The following WDR49 variants were observed in gnomAD, a reference collection of about 807,000 sequenced individuals.
WDR49 encodes the protein cilia- and flagella-associated protein 337.
Under a neutral mutation model 119.5 loss-of-function variants are expected in WDR49, and 107 were observed. The ratio of observed to expected loss-of-function variants is 0.90; its 90% CI spans 0.77 to 1.05. The LOEUF (loss-of-function observed/expected upper bound fraction) is 1.05, where lower values mean the gene tolerates loss of function less well. WDR49 is among the 50% of genes least tolerant of loss of function. The pLI is 0.00. For missense variants in WDR49, 1,240 were observed against 1,220.5 expected (o/e 1.02, Z -0.24); for synonymous variants, 425 against 418.8 (o/e 1.01, Z -0.18).
At chr3:167,589,139 A>G (rs867740890) in intron 7 of WDR49, among the ~76,000 whole-genome samples, 1 of 152,124 alleles carries the variant, frequency 6.6e-6, no homozygotes, top group South Asian at 2.1e-4. Context: ...GGTGTCTAAT[A>G]TTATCTTCTG....
At chr3:167,573,425 C>CA (rs1553867432) in intron 8 of WDR49, among the ~76,000 whole-genome samples, 1 of 147,504 alleles carries the variant, frequency 6.8e-6, no homozygotes, top group East Asian at 2.0e-4. Flanking sequence ...CACACACACA[C>CA]ACACAACACA....
At chr3:167,510,332 T>A (rs1180106480) in intron 16 of WDR49, among the ~76,000 whole-genome samples, 1 of 152,254 alleles carries the variant, frequency 6.6e-6, no homozygotes, top group East Asian at 1.9e-4. Context: ...ATTTTATCTA[T>A]AATTTTCCTA....
chr3:167,598,942 C>G (rs371217524), intron 7 of WDR49, among the ~76,000 whole-genome samples: 14 of 152,218 alleles, frequency 9.2e-5, no homozygotes, highest in African/African-American at 2.4e-4. Context: ...AATAGAGTCT[C>G]TCTGTCTCTA....
chr3:167,603,785 T>C (rs1257577475), intron 6 of WDR49, among the ~76,000 whole-genome samples: 1 of 152,150 alleles, frequency 6.6e-6, no homozygotes, highest in Non-Finnish European at 1.5e-5. Flanking sequence ...AACTCTCCTC[T>C]AGTAAACAAA....
At chr3:167,524,645 C>A (rs1752571605) in intron 15 of WDR49, among the ~76,000 whole-genome samples, 1 of 152,090 alleles carries the variant, frequency 6.6e-6, no homozygotes, top group Non-Finnish European at 1.5e-5. Flanking sequence ...TTTCCCAGCA[C>A]CATTTATTAA....
intron 15 of WDR49, among the ~76,000 whole-genome samples, chr3:167,525,482 G>A (rs1291113593): frequency 6.6e-6 from 1 of 151,820 alleles, no homozygotes; most frequent in African/African-American, 2.4e-5. Context: ...TTTAAATGTG[G>A]GCAACTAAAT....
At position 167,543,304 on chromosome 3, in the gene WDR49, C is replaced by T. The variant is rs1711955943; in HGVS notation, c.1824-6304G>A. Among the ~76,000 whole-genome samples, 9 of 152,004 alleles carry T rather than the reference C, an allele frequency of 5.9e-5. No individual in the cohort carries two copies. The South Asian group carries it at 1.9e-3, about 32-fold the overall frequency. Reference sequence around the variant, plus strand: ...AAATCATTCTATGGAGCCAGTATCACCCTGATACCAAAAACAGGAAAGGAC... The same window carrying T: ...AAATCATTCTATGGAGCCAGTATCATCCTGATACCAAAAACAGGAAAGGAC... On this transcript the variant is annotated intron_variant, in intron 10 of 18. Coordinates refer to ENST00000682715, the MANE Select transcript of WDR49 (RefSeq NM_001366157.1).
At chr3:167,480,533 G>C (rs1750678993) in intron 18 of WDR49, among the ~76,000 whole-genome samples, 1 of 152,168 alleles carries the variant, frequency 6.6e-6, no homozygotes, top group South Asian at 2.1e-4. Context: ...TAGAGAGGAA[G>C]TTATATAGAC....
At chr3:167,622,729 G>A (rs1716930871) in intron 3 of WDR49, among the ~76,000 whole-genome samples, 1 of 152,076 alleles carries the variant, frequency 6.6e-6, no homozygotes, top group Admixed American at 6.6e-5. Flanking sequence ...TCTAATGTAT[G>A]TCTAAAGAAC....
chr3:167,618,979 T>A (rs1309643945), intron 5 of WDR49, among the ~76,000 whole-genome samples: 1 of 152,132 alleles, frequency 6.6e-6, no homozygotes, highest in Non-Finnish European at 1.5e-5. Context: ...CCCCATTCTC[T>A]TCCTGAACAT....
intron 2 of WDR49, among the ~76,000 whole-genome samples, chr3:167,649,351 A>G (rs1718269606): frequency 1.3e-5 from 2 of 152,144 alleles, no homozygotes; most frequent in Admixed American, 1.3e-4. Flanking sequence ...GACTTTCTAT[A>G]TTCCTGTAGA....
chr3:167,524,012 A>C (rs186521447), intron 15 of WDR49, among the ~76,000 whole-genome samples: 80 of 152,306 alleles, frequency 5.3e-4, no homozygotes, highest in Admixed American at 1.8e-3. Flanking sequence ...CACTCTCACC[A>C]ACAGTGTAAA....
chr3:167,604,419 AT>A lies in WDR49; in HGVS notation c.1007del (p.Asn336IlefsTer6). ...LDAIISSTTS[N>X]TNSVVMAWRE... ...TCCAAGCCATCACCACACTATTTGT[AT>A]TGCTGGTTGTACTGGAAATGATAGC... On this transcript the variant is annotated frameshift_variant, in exon 6 of 19. Transcript: ENST00000682715. LOFTEE classifies it high-confidence loss of function. The A allele has an allele frequency of 6.2e-7, 1 of 1,613,550 alleles. No homozygotes were observed. Among genetic ancestry groups the A allele is most frequent in the Non-Finnish European group, 8.5e-7 (1 of 1,179,806 alleles).
At chr3:167,605,798 A>C (rs1716033852) in intron 5 of WDR49, among the ~76,000 whole-genome samples, 1 of 152,204 alleles carries the variant, frequency 6.6e-6, no homozygotes, top group South Asian at 2.1e-4. Context: ...TAGGTAAAGA[A>C]ATAGGGATTC....
chr3:167,513,354 C>T (rs1752061803), intron 16 of WDR49, among the ~76,000 whole-genome samples: 1 of 152,054 alleles, frequency 6.6e-6, no homozygotes, highest in African/African-American at 2.4e-5. Context: ...CATATCAAAC[C>T]AAACTAAGCT....
intron 7 of WDR49, among the ~76,000 whole-genome samples, chr3:167,583,773 C>T (rs1342144543): frequency 6.6e-6 from 1 of 152,132 alleles, no homozygotes; most frequent in African/African-American, 2.4e-5. Context: ...AATGCAGTAG[C>T]CTCAAGACAG....
intron 10 of WDR49, among the ~76,000 whole-genome samples, chr3:167,552,863 G>A (rs770887947): frequency 2.2e-4 from 34 of 152,024 alleles, no homozygotes; most frequent in South Asian, 4.2e-4. Flanking sequence ...CATAATTATC[G>A]AACCAATCTC....
rs530147574 is a variant in WDR49 at position 167,481,538 on chromosome 3, G to C, written c.3032-2542C>G. 9.9e-4 allele frequency among the ~76,000 whole-genome samples: 150 copies of C among 152,230 alleles called. 1 individual carries two copies. Among genetic ancestry groups the C allele is most frequent in the African/African-American group, 3.4e-3 (142 of 41,544 alleles). ...AGAAAAATAATAAATGTTGAAGACA[G>C]ACAAAAAATAGATCAACAAACATAT... On this transcript the variant is annotated intron_variant, in intron 18 of 18. Transcript: ENST00000682715.
intron 17 of WDR49, among the ~76,000 whole-genome samples, chr3:167,504,067 C>A (rs1300540652): frequency 6.6e-6 from 1 of 152,118 alleles, no homozygotes; most frequent in East Asian, 1.9e-4. Flanking sequence ...GTTAGTCGGC[C>A]TAGGAAATCC....
Sources: gnomAD v4.1 joint callset for allele counts (sites outside exome capture counted in the v4.1 genomes callset) on GRCh38, gnomAD v4.1.1 for gene constraint, MANE v1.5 for transcripts, NCBI Gene and HGNC (gene_info 2026-07-23, HGNC 2026-07-21) for gene names.